The following TACR1 variants were observed in gnomAD, a reference collection of about 807,000 sequenced individuals.
TACR1 encodes tachykinin receptor 1.
In TACR1, 25 loss-of-function variants were observed where a neutral mutation model predicts 35.8. That is an observed-to-expected ratio of 0.70 (90% CI 0.51 to 0.98). The LOEUF is 0.98. Among genes scored for constraint, TACR1 ranks in the 50% least tolerant of loss-of-function variants. The probability of loss-of-function intolerance (pLI) is 0.00; values close to 1 mark genes in which losing one functional copy is unlikely to be tolerated. For synonymous variants in TACR1, 195 were observed against 206.7 expected (o/e 0.94, Z 0.48); for missense variants, 478 against 522.9 (o/e 0.91, Z 0.84).
chr2:75,163,529 C>T (rs1675064878), intron 1 of TACR1, among the ~76,000 whole-genome samples: 1 of 151,970 alleles, frequency 6.6e-6, no homozygotes, highest in Admixed American at 6.5e-5. Context: ...GTAAATGTTG[C>T]CAGATTTCTT....
At chr2:75,124,302 C>T (rs1273866320) in intron 1 of TACR1, among the ~76,000 whole-genome samples, 3 of 152,220 alleles carry the variant, frequency 2.0e-5, no homozygotes, top group Admixed American at 6.5e-5. Context: ...AAAGGAATTT[C>T]AATCCTCTGA....
chr2:75,052,301 G>A (rs1226895149), intron 3 of TACR1, among the ~76,000 whole-genome samples: 1 of 152,152 alleles, frequency 6.6e-6, no homozygotes, highest in East Asian at 1.9e-4. Flanking sequence ...CATGAACCAG[G>A]AAGCAGGCCC....
rs144681909 is a variant in TACR1 at position 75,079,353 on chromosome 2, T to G, written c.585-25598A>C. ...CTCTCTGTGTGTAGTCTTTCTCCCT[T>G]CCAACCCATCTTCCCCATTCGTGCC... On this transcript the variant is annotated intron_variant, in intron 2 of 4. Transcript: ENST00000305249. 4.7e-3 allele frequency among the ~76,000 whole-genome samples: 715 copies of G among 152,266 alleles called. 6 individuals are homozygous for G. Among genetic ancestry groups the G allele is most frequent in the African/African-American group, 0.016 (663 of 41,536 alleles).
chr2:75,106,627 G>A (rs1316391218), intron 2 of TACR1, among the ~76,000 whole-genome samples: 1 of 151,878 alleles, frequency 6.6e-6, no homozygotes, highest in African/African-American at 2.4e-5. Context: ...ATAAATGGAA[G>A]TAAAAAATGA....
chr2:75,133,081 C>T lies in TACR1; in HGVS notation c.390-12313G>A, dbSNP rs1173927901. Among the ~76,000 whole-genome samples, 3 of 152,178 alleles carry T rather than the reference C, an allele frequency of 2.0e-5. No individual in the cohort carries two copies. The East Asian group carries it at 5.8e-4, about 29-fold the overall frequency. ...GCAGGTCCTAGGCTTTGTTTCTTGTCCCCATACTCTGTGAGTCAAGGTCAA... is the reference window on the plus strand; with the variant it reads ...GCAGGTCCTAGGCTTTGTTTCTTGTTCCCATACTCTGTGAGTCAAGGTCAA... On this transcript the variant is annotated intron_variant, in intron 1 of 4. Transcript: ENST00000305249.
At chr2:75,063,477 A>G (rs1021810549) in intron 2 of TACR1, among the ~76,000 whole-genome samples, 2 of 152,216 alleles carry the variant, frequency 1.3e-5, no homozygotes, top group Non-Finnish European at 2.9e-5. Flanking sequence ...TTTGTTGAGT[A>G]TTATGAGAAG....
chr2:75,101,043 TA>T (rs572625273), intron 2 of TACR1, among the ~76,000 whole-genome samples: 113 of 144,654 alleles, frequency 7.8e-4, no homozygotes, highest in Admixed American at 1.0e-3. Context: ...GTTGCTGTAT[TA>T]AAAAAAAAAA....
chr2:75,088,974 G>T (rs376462664), intron 2 of TACR1, among the ~76,000 whole-genome samples: 2 of 152,108 alleles, frequency 1.3e-5, no homozygotes, highest in African/African-American at 4.8e-5. Context: ...GTTTCCCACA[G>T]AGAGCATCAA....
intron 4 of TACR1, 189 bp downstream of exon 4, chr2:75,051,062 C>G: frequency 1.5e-6 from 1 of 674,828 alleles, no homozygotes; most frequent in Non-Finnish European, 2.5e-6. Context: ...AAAATCAGTC[C>G]ACTCCGGGCT....
intron 1 of TACR1, among the ~76,000 whole-genome samples, chr2:75,180,449 A>G (rs1041038964): frequency 2.6e-5 from 4 of 152,198 alleles, no homozygotes; most frequent in Non-Finnish European, 4.4e-5. Context: ...TAGCTCCCCT[A>G]CATTAAATCT....
intron 2 of TACR1, among the ~76,000 whole-genome samples, chr2:75,109,998 G>A (rs1673720081): frequency 6.6e-6 from 1 of 152,130 alleles, no homozygotes. Flanking sequence ...AGATTAAAAG[G>A]TCTCAGCAAT....
chr2:75,106,124 AT>A (rs1447178339), intron 2 of TACR1, among the ~76,000 whole-genome samples: 15 of 152,078 alleles, frequency 9.9e-5, no homozygotes, highest in Admixed American at 7.2e-4. Flanking sequence ...TTTTTGTACT[AT>A]CTTTGCAACT....
At chr2:75,061,915 T>G (rs1672680048) in intron 2 of TACR1, among the ~76,000 whole-genome samples, 1 of 152,236 alleles carries the variant, frequency 6.6e-6, no homozygotes, top group Admixed American at 6.5e-5. Flanking sequence ...TTTCGTTGTG[T>G]TGTTCTCCAG....
chr2:75,182,772 AT>A (rs1402662569), intron 1 of TACR1, among the ~76,000 whole-genome samples: 1 of 152,202 alleles, frequency 6.6e-6, no homozygotes, highest in Non-Finnish European at 1.5e-5. Context: ...TACCATCTAG[AT>A]TTGTGTAAGT....
At chr2:75,154,111 T>C (rs1674741365) in intron 1 of TACR1, among the ~76,000 whole-genome samples, 1 of 152,134 alleles carries the variant, frequency 6.6e-6, no homozygotes, top group African/African-American at 2.4e-5. Context: ...GATGCCCCCC[T>C]CACTGCCCAA....
intron 4 of TACR1, 183 bp downstream of exon 4, chr2:75,051,068 G>T (rs201914096): frequency 2.8e-6 from 2 of 708,152 alleles, no homozygotes; most frequent in Non-Finnish European, 4.8e-6. Flanking sequence ...AGTCCACTCC[G>T]GGCTCCCATT....
intron 1 of TACR1, among the ~76,000 whole-genome samples, chr2:75,135,085 A>G (rs1391131840): frequency 6.6e-6 from 1 of 152,176 alleles, no homozygotes; most frequent in Non-Finnish European, 1.5e-5. Flanking sequence ...GGCCTGTCTT[A>G]CTGGTGATAT....
chr2:75,052,532 G>C (rs1168032636), intron 3 of TACR1, among the ~76,000 whole-genome samples: 1 of 150,480 alleles, frequency 6.6e-6, no homozygotes, highest in African/African-American at 2.4e-5. Flanking sequence ...TACCAACAGA[G>C]AATACTAAGC....
At chr2:75,055,695 G>A (rs573506825) in intron 2 of TACR1, among the ~76,000 whole-genome samples, 6 of 152,302 alleles carry the variant, frequency 3.9e-5, no homozygotes, top group Non-Finnish European at 8.8e-5. Flanking sequence ...GTCTGAGTGT[G>A]ATGGGAGGGA....
Sources: allele counts gnomAD v4.1 joint callset (sites outside exome capture counted in the v4.1 genomes callset), GRCh38; gene constraint gnomAD v4.1.1; transcripts MANE v1.5; gene names NCBI Gene and HGNC (gene_info 2026-07-23, HGNC 2026-07-21).